FBXO33: variants seen among roughly 807,000 people sequenced by gnomAD.
FBXO33 encodes the protein F-box only protein 33.
FBXO33 carries 22 observed loss-of-function variants against 46.3 expected under a neutral mutation model. That is an observed-to-expected ratio of 0.48 (90% CI 0.34 to 0.68). FBXO33 has a LOEUF of 0.68. FBXO33 is among the 30% of genes least tolerant of loss of function. The probability of loss-of-function intolerance (pLI) is 0.01; values close to 1 mark genes in which losing one functional copy is unlikely to be tolerated. For missense variants in FBXO33, 692 were observed against 708.8 expected, an observed-to-expected ratio of 0.98 and a Z score of 0.27; for synonymous variants, 337 against 291.3, an observed-to-expected ratio of 1.16 and a Z score of -1.60.
intron 1 of FBXO33, 46 bp from the exon 2 acceptor site, chr14:39,402,557 TA>T (rs746681707): frequency 4.7e-5 from 42 of 896,830 alleles, no homozygotes; most frequent in Middle Eastern, 6.8e-4. Context: ...AATTTATACT[TA>T]AAAAATATAA....
intron 1 of FBXO33, among the ~76,000 whole-genome samples, chr14:39,425,258 G>C (rs2075506846): frequency 6.6e-6 from 1 of 152,190 alleles, no homozygotes; most frequent in Non-Finnish European, 1.5e-5. Flanking sequence ...CTGTGGGTCA[G>C]AATTGGGGAA....
intron 1 of FBXO33, among the ~76,000 whole-genome samples, chr14:39,421,165 A>T (rs954027416): frequency 1.3e-5 from 2 of 152,196 alleles, no homozygotes; most frequent in Non-Finnish European, 2.9e-5. Flanking sequence ...GCCTCAGGTG[A>T]CTATGTTTCT....
At position 39,399,326 on chromosome 14, in the gene FBXO33, T is replaced by G; in HGVS notation, c.*190A>C. On this transcript the variant is annotated 3_prime_UTR_variant, in exon 4 of 4. Transcript: ENST00000298097. ...CATTAACCGTGAAAGCCCTATACAT[T>G]GTCACTTTGAACTTCTAAACCAATA... The G allele has an allele frequency of 2.0e-6, 1 of 493,892 alleles. No individual in the cohort carries two copies. The allele number at this position is 493,892 out of a possible 1,614,324, so 30.6% of individuals were successfully genotyped here. A position where few individuals can be genotyped will look rare whatever the true frequency, so the allele number is the denominator to read the frequency against.
intron 1 of FBXO33, among the ~76,000 whole-genome samples, chr14:39,417,498 T>C (rs2075453918): frequency 1.3e-5 from 2 of 152,338 alleles, no homozygotes; most frequent in South Asian, 4.1e-4. Flanking sequence ...AACTGGATTC[T>C]GCATTTCTTA....
At chr14:39,410,626 G>A (rs1361061693) in intron 1 of FBXO33, among the ~76,000 whole-genome samples, 1 of 152,176 alleles carries the variant, frequency 6.6e-6, no homozygotes, top group Non-Finnish European at 1.5e-5. Flanking sequence ...ATATTTGGTA[G>A]AATTCACCTG....
In FBXO33 at chr14:39,398,583, G is replaced by A. The variant is rs897715317; in HGVS notation, c.*933C>T. On this transcript the variant is annotated 3_prime_UTR_variant, in exon 4 of 4. Coordinates refer to ENST00000298097, the MANE Select transcript of FBXO33 (RefSeq NM_203301.4). ...TAAATATTACAATCTAGCAGTATCT[G>A]GCTGGCCAGAGTGGGCCGGCCCCTG... 1 of 150,514 alleles carries A rather than the reference G, an allele frequency of 6.6e-6. No homozygotes were observed. Among genetic ancestry groups the A allele is most frequent in the Non-Finnish European group, 1.5e-5 (1 of 67,892 alleles). 9.3% of individuals were successfully genotyped at this position (150,514 alleles called of 1,614,324 possible). A position where few individuals can be genotyped will look rare whatever the true frequency, so the allele number is the denominator to read the frequency against.
rs2075565303 is a variant in FBXO33, at chr14:39,432,188, A to T, written c.-26T>A. The T allele has an allele frequency of 8.2e-7, 1 of 1,212,852 alleles. No homozygotes were observed. Among genetic ancestry groups the T allele is most frequent in the Admixed American group, 4.2e-5 (1 of 23,620 alleles). The allele number at this position is 1,212,852 out of a possible 1,614,324, so 75.1% of individuals were successfully genotyped here. A position where few individuals can be genotyped will look rare whatever the true frequency, so the allele number is the denominator to read the frequency against. ...CAATGACTAGGAAGAAGGGGGCGGA[A>T]CCGTCGTGGGTCTCGGCGGAACCAA... On this transcript the variant is annotated 5_prime_UTR_variant, in exon 1 of 4. Coordinates refer to ENST00000298097, the MANE Select transcript of FBXO33 (RefSeq NM_203301.4).
Position 39,399,534 on chromosome 14 carries a change from G to T in FBXO33, c.1650C>A (p.Ser550Arg). 6.2e-7 allele frequency: 1 copy of T among 1,611,396 alleles called. No individual in the cohort carries two copies. The highest frequency in any genetic ancestry group is 2.2e-5 in the East Asian group (1 of 44,840). The change falls in exon 4 of 4, where the codon AGC becomes AGA. Residue 550 changes from serine to arginine, a missense_variant. Transcript: ENST00000298097. ...AAAAAAGCTAAATGTCTTCACTGAA[G>T]CTTTGCATCTCTCTGTAAAAATGAC... ...PNRHFYREMQ[S>R]FSEDI is the part of the protein sequence containing the mutation.
At chr14:39,424,007 C>T (rs1230882878) in intron 1 of FBXO33, among the ~76,000 whole-genome samples, 6 of 152,158 alleles carry the variant, frequency 3.9e-5, no homozygotes, top group Admixed American at 3.3e-4. Flanking sequence ...TTTATAACTA[C>T]GTGTACTCAA....
At chr14:39,427,528 G>A (rs1386480142) in intron 1 of FBXO33, among the ~76,000 whole-genome samples, 1 of 152,066 alleles carries the variant, frequency 6.6e-6, no homozygotes, top group East Asian at 1.9e-4. Context: ...TACTACCACA[G>A]GAGAAATATT....
chr14:39,417,941 T>C (rs1388418525), intron 1 of FBXO33, among the ~76,000 whole-genome samples: 1 of 152,122 alleles, frequency 6.6e-6, no homozygotes, highest in African/African-American at 2.4e-5. Context: ...CATGATATAA[T>C]CAATGGAAAA....
intron 1 of FBXO33, among the ~76,000 whole-genome samples, chr14:39,407,681 T>C (rs1319411164): frequency 6.6e-6 from 1 of 152,216 alleles, no homozygotes; most frequent in Non-Finnish European, 1.5e-5. Flanking sequence ...TATATCACAT[T>C]TTCTTTATGC....
intron 2 of FBXO33, 56 bp from the exon 3 acceptor site, chr14:39,401,917 A>C: frequency 7.2e-7 from 1 of 1,387,122 alleles, no homozygotes; most frequent in Non-Finnish European, 9.8e-7. Context: ...CTAATCTTTT[A>C]ACACTGACTT....
intron 1 of FBXO33, among the ~76,000 whole-genome samples, chr14:39,402,778 G>C (rs1052896503): frequency 6.7e-6 from 1 of 150,144 alleles, no homozygotes; most frequent in Non-Finnish European, 1.5e-5. Context: ...CGCCTCCCGG[G>C]TTCACACCAT....
intron 1 of FBXO33, among the ~76,000 whole-genome samples, chr14:39,426,249 ATTG>A: frequency 6.6e-6 from 1 of 152,248 alleles, no homozygotes; most frequent in South Asian, 2.1e-4. Context: ...ATGAAAAAAT[ATTG>A]TTTTTTCCTT....
At chr14:39,430,172 T>C (rs2139423752) in intron 1 of FBXO33, among the ~76,000 whole-genome samples, 2 of 152,350 alleles carry the variant, frequency 1.3e-5, no homozygotes, top group South Asian at 4.1e-4. Context: ...CATTCAACTC[T>C]GAGAAAGTCT....
chr14:39,402,304 G>T, intron 2 of FBXO33, 97 bp downstream of exon 2: 1 of 598,530 alleles, frequency 1.7e-6, no homozygotes. Flanking sequence ...TTCCTTTTAG[G>T]AAAAAAATCA....
intron 1 of FBXO33, among the ~76,000 whole-genome samples, chr14:39,414,419 C>T (rs1382512175): frequency 6.6e-6 from 1 of 152,216 alleles, no homozygotes; most frequent in Non-Finnish European, 1.5e-5. Flanking sequence ...GGCCATTTCC[C>T]TTTCTTATCA....
chr14:39,431,641 G>C lies in FBXO33; in HGVS notation c.522C>G (p.Leu174=). ...GCAGCACTTCCAGCCAACGAGCTGA[G>C]AGCTGCAGGGCCTCGACTTCCTCCC... ...TGGEEVEALQ[L]SARWLEVLRT... Residue 174 remains leucine (L), a synonymous_variant, in exon 1 of 4, where the codon CTC becomes CTG. Transcript: ENST00000298097. 6.2e-7 allele frequency: 1 copy of C among 1,613,664 alleles called. No individual in the cohort carries two copies. The highest frequency in any genetic ancestry group is 8.5e-7 in the Non-Finnish European group (1 of 1,180,014).
Sources: gnomAD v4.1 joint callset for allele counts (sites outside exome capture counted in the v4.1 genomes callset) on GRCh38, gnomAD v4.1.1 for gene constraint, MANE v1.5 for transcripts, NCBI Gene and HGNC (gene_info 2026-07-23, HGNC 2026-07-21) for gene names.